The following NIBAN1 variants were observed in gnomAD, a reference collection of about 807,000 sequenced individuals.
The protein encoded by NIBAN1 is protein Niban 1.
In NIBAN1, 81 loss-of-function variants were observed where a neutral mutation model predicts 75.1. The observed-to-expected ratio is 1.08, with a 90% CI of 0.90 to 1.30. The LOEUF is 1.30. Among genes scored for constraint, NIBAN1 ranks in the 50% most tolerant of loss-of-function variants. The probability of loss-of-function intolerance (pLI) is 0.00; values close to 1 mark genes in which losing one functional copy is unlikely to be tolerated. For synonymous variants in NIBAN1, 436 were observed against 424.8 expected, an observed-to-expected ratio of 1.03 and a Z score of -0.32; for missense variants, 1,133 against 1,128.1, an observed-to-expected ratio of 1.00 and a Z score of -0.06.
chr1:184,961,586 C>T (rs1658649340), intron 1 of NIBAN1, among the ~76,000 whole-genome samples: 1 of 152,202 alleles, frequency 6.6e-6, no homozygotes, highest in African/African-American at 2.4e-5. Context: ...TTCCTTCTTG[C>T]TAAACTGAAC....
intron 9 of NIBAN1, among the ~76,000 whole-genome samples, chr1:184,808,821 AAG>A (rs1460063639): frequency 6.6e-6 from 1 of 152,138 alleles, no homozygotes. Flanking sequence ...ATCCAGTTTG[AAG>A]AACTGGGGTC....
chr1:184,862,138 C>T (rs1372614788), intron 5 of NIBAN1, among the ~76,000 whole-genome samples: 1 of 152,084 alleles, frequency 6.6e-6, no homozygotes, highest in Non-Finnish European at 1.5e-5. Context: ...AAATCGCCCG[C>T]AGACCTTCCC....
chr1:184,938,249 T>A (rs1658009551), intron 1 of NIBAN1, among the ~76,000 whole-genome samples: 1 of 152,128 alleles, frequency 6.6e-6, no homozygotes, highest in Non-Finnish European at 1.5e-5. Flanking sequence ...AAGCTTGAAG[T>A]CAGGCAGTGA....
At chr1:184,902,753 C>T (rs1415135560) in intron 1 of NIBAN1, among the ~76,000 whole-genome samples, 1 of 152,162 alleles carries the variant, frequency 6.6e-6, no homozygotes, top group Non-Finnish European at 1.5e-5. Flanking sequence ...AAAACATCAA[C>T]ATTAATGAAC....
chr1:184,899,950 G>T (rs1656905535), intron 1 of NIBAN1, among the ~76,000 whole-genome samples: 1 of 151,898 alleles, frequency 6.6e-6, no homozygotes. Context: ...CTGAGTAGCT[G>T]GGATTACATG....
intron 12 of NIBAN1, among the ~76,000 whole-genome samples, chr1:184,800,578 A>G (rs963874028): frequency 5.9e-5 from 9 of 151,438 alleles, no homozygotes; most frequent in African/African-American, 1.2e-4. Context: ...TCAGCTTTCT[A>G]CATATGGCTA....
At position 184,806,029 on chromosome 1, in the gene NIBAN1, C is replaced by G. The variant is rs766349077; in HGVS notation, c.1363G>C (p.Glu455Gln). 5.0e-5 allele frequency: 81 copies of G among 1,613,908 alleles called. No homozygotes were observed. The highest frequency in any genetic ancestry group is 6.6e-5 in the Non-Finnish European group (78 of 1,179,984). ...ELMENAVFTF[E>Q]QLLSPHLQGE... ...TGGAGATGTGGGGAAAGCAACTGCTCAAAAGTGAACACTGCATTCTCCATT... is the reference window on the plus strand; with the variant it reads ...TGGAGATGTGGGGAAAGCAACTGCTGAAAAGTGAACACTGCATTCTCCATT... Residue 455 changes from glutamate (E) to glutamine (Q), a missense_variant, in exon 11 of 14, where the codon GAG becomes CAG. Physicochemically the swap from Glu to Gln is conservative, Grantham distance 29. Coordinates refer to ENST00000367511, the MANE Select transcript of NIBAN1 (RefSeq NM_052966.4).
chr1:184,946,065 CAG>C (rs1262102666), intron 1 of NIBAN1, among the ~76,000 whole-genome samples: 1 of 151,068 alleles, frequency 6.6e-6, no homozygotes, highest in Non-Finnish European at 1.5e-5. Context: ...TCTCCAAAAA[CAG>C]GGACAGATAG....
At chr1:184,885,774 C>T (rs1253122408) in intron 4 of NIBAN1, among the ~76,000 whole-genome samples, 1 of 152,234 alleles carries the variant, frequency 6.6e-6, no homozygotes, top group African/African-American at 2.4e-5. Flanking sequence ...TGACTGCCAG[C>T]CTATGGCTGC....
chr1:184,926,966 C>T (rs1259260088), intron 1 of NIBAN1, among the ~76,000 whole-genome samples: 4 of 152,022 alleles, frequency 2.6e-5, no homozygotes, highest in African/African-American at 4.8e-5. Context: ...TTCAGTATGT[C>T]GATTACATTT....
intron 8 of NIBAN1, among the ~76,000 whole-genome samples, chr1:184,819,480 C>T (rs368277604): frequency 1.3e-5 from 2 of 152,142 alleles, no homozygotes; most frequent in East Asian, 1.9e-4. Context: ...ACTATAATTC[C>T]ACTCCCCAGA....
chr1:184,898,168 G>A (rs918301051), intron 2 of NIBAN1, among the ~76,000 whole-genome samples: 3 of 152,114 alleles, frequency 2.0e-5, no homozygotes, highest in Admixed American at 1.3e-4. Flanking sequence ...CCAGCAGACC[G>A]ACCTTCCCTC....
At chr1:184,865,426 A>G (rs1249459380) in intron 5 of NIBAN1, among the ~76,000 whole-genome samples, 1 of 152,160 alleles carries the variant, frequency 6.6e-6, no homozygotes, top group South Asian at 2.1e-4. Flanking sequence ...ATGGACATAT[A>G]GATGGCAACA....
intron 2 of NIBAN1, among the ~76,000 whole-genome samples, chr1:184,898,141 C>T (rs1395936965): frequency 2.0e-5 from 3 of 152,194 alleles, no homozygotes; most frequent in African/African-American, 7.2e-5. Flanking sequence ...CTCCCTCCTC[C>T]CTTGCTCACA....
At chr1:184,885,053 T>G (rs1043390992) in intron 4 of NIBAN1, among the ~76,000 whole-genome samples, 2 of 152,052 alleles carry the variant, frequency 1.3e-5, no homozygotes, top group African/African-American at 4.8e-5. Flanking sequence ...GGAACACAAT[T>G]TTTTCTCTTT....
At chr1:184,892,459 A>T (rs913362194) in intron 3 of NIBAN1, among the ~76,000 whole-genome samples, 3 of 152,208 alleles carry the variant, frequency 2.0e-5, no homozygotes, top group African/African-American at 7.2e-5. Context: ...CATACAAAAC[A>T]TAAGGTGTCT....
chr1:184,946,777 G>T (rs1026996673), intron 1 of NIBAN1, among the ~76,000 whole-genome samples: 1 of 152,132 alleles, frequency 6.6e-6, no homozygotes, highest in Admixed American at 6.6e-5. Context: ...ACAACAGGAA[G>T]AAAAAGCTGC....
intron 1 of NIBAN1, among the ~76,000 whole-genome samples, chr1:184,928,034 C>T (rs1431563331): frequency 1.3e-5 from 2 of 151,990 alleles, no homozygotes; most frequent in Non-Finnish European, 2.9e-5. Flanking sequence ...GATGTTTATT[C>T]GAGACCCAAG....
chr1:184,840,954 T>TGA (rs1028096971), intron 5 of NIBAN1, among the ~76,000 whole-genome samples: 8 of 112,628 alleles, frequency 7.1e-5, no homozygotes, highest in African/African-American at 2.1e-4. Context: ...GAAAAGAGTG[T>TGA]GAGTGTGTGT....
Sources: gnomAD v4.1 joint callset for allele counts (sites outside exome capture counted in the v4.1 genomes callset) on GRCh38, gnomAD v4.1.1 for gene constraint, MANE v1.5 for transcripts, NCBI Gene and HGNC (gene_info 2026-07-23, HGNC 2026-07-21) for gene names.